The following CRACD variants were observed in gnomAD, a reference collection of about 807,000 sequenced individuals.
CRACD encodes capping protein inhibiting regulator of actin dynamics.
Under a neutral mutation model 106.8 loss-of-function variants are expected in CRACD, and 56 were observed. The ratio of observed to expected loss-of-function variants is 0.52; its 90% CI spans 0.42 to 0.66. The LOEUF (loss-of-function observed/expected upper bound fraction) is 0.66, where lower values mean the gene tolerates loss of function less well. CRACD is among the 30% of genes least tolerant of loss of function. The probability of loss-of-function intolerance (pLI) is 0.00; values close to 1 mark genes in which losing one functional copy is unlikely to be tolerated. For synonymous variants in CRACD, 754 were observed against 670.8 expected, an observed-to-expected ratio of 1.12 and a Z score of -1.92; for missense variants, 1,730 against 1,623.2, an observed-to-expected ratio of 1.07 and a Z score of -1.13.
At chr4:56,303,720 T>G (rs1268900321) in intron 4 of CRACD, among the ~76,000 whole-genome samples, 2 of 152,218 alleles carry the variant, frequency 1.3e-5, no homozygotes, top group African/African-American at 4.8e-5. Context: ...GGGCGAGGCC[T>G]TGGCCTTGGC....
At chr4:56,239,109 A>G (rs371721457) in intron 2 of CRACD, among the ~76,000 whole-genome samples, 1 of 152,114 alleles carries the variant, frequency 6.6e-6, no homozygotes, top group East Asian at 1.9e-4. Flanking sequence ...CCTGGACAAC[A>G]TGGTGAAACT....
chr4:56,315,455 G>A lies in CRACD; in HGVS notation c.1953G>A (p.Lys651=). The part of the protein sequence containing the change: ...GPGDARAGSG[K]AKPRQESPSS... ...GCGACGCGAGGGCGGGCAGCGGGAA[G>A]GCTAAGCCCCGCCAGGAGTCTCCCA... The change falls in exon 8 of 11, where the codon AAG becomes AAA. Residue 651 remains lysine (K), a synonymous_variant. Transcript: ENST00000682029. This position sits in a 1 kb window ranked among gnomAD's most constrained non-coding sequence, Gnocchi z 4.1. The A allele has an allele frequency of 1.2e-6, 2 of 1,613,068 alleles. No homozygotes were observed. The highest frequency in any genetic ancestry group is 1.7e-6 in the Non-Finnish European group (2 of 1,179,836).
chr4:56,222,309 T>G (rs536063131), intron 2 of CRACD, among the ~76,000 whole-genome samples: 1 of 152,304 alleles, frequency 6.6e-6, no homozygotes, highest in East Asian at 1.9e-4. Flanking sequence ...TCAAATAATG[T>G]ATGTTCTCAC....
At chr4:56,112,144 T>C (rs917414421) in intron 1 of CRACD, among the ~76,000 whole-genome samples, 2 of 152,160 alleles carry the variant, frequency 1.3e-5, no homozygotes, top group Non-Finnish European at 1.5e-5. Context: ...GTTGCTGGTA[T>C]TGGGTTATTA....
chr4:56,188,078 T>C (rs1365108642), intron 2 of CRACD, among the ~76,000 whole-genome samples: 1 of 152,194 alleles, frequency 6.6e-6, no homozygotes, highest in African/African-American at 2.4e-5. Context: ...ATCCTTAGTC[T>C]AAACTTCACT....
At chr4:56,323,604 CT>C (rs1231995356) in intron 9 of CRACD, 37 bp downstream of exon 9, 1 of 1,485,010 alleles carries the variant, frequency 6.7e-7, no homozygotes, top group African/African-American at 1.4e-5. Context: ...TTTTGCTTTC[CT>C]GAGCTTGGTT....
At chr4:56,099,404 A>G (rs1733710484) in intron 1 of CRACD, among the ~76,000 whole-genome samples, 1 of 152,154 alleles carries the variant, frequency 6.6e-6, no homozygotes, top group Admixed American at 6.5e-5. Context: ...CCTTTGTTGT[A>G]AGGTATGACT....
chr4:56,152,307 G>A (rs1259333151), intron 1 of CRACD, among the ~76,000 whole-genome samples: 1 of 150,730 alleles, frequency 6.6e-6, no homozygotes, highest in Non-Finnish European at 1.5e-5. Flanking sequence ...CTGAGCCACC[G>A]TGCCCAGCTG....
intron 2 of CRACD, among the ~76,000 whole-genome samples, chr4:56,263,584 C>A (rs1336294914): frequency 6.6e-6 from 1 of 152,110 alleles, no homozygotes; most frequent in South Asian, 2.1e-4. Context: ...TATGAGAGAA[C>A]CTGTTGTATT....
chr4:56,271,004 C>T (rs1252280639), intron 2 of CRACD, among the ~76,000 whole-genome samples: 2 of 150,512 alleles, frequency 1.3e-5, no homozygotes, highest in Non-Finnish European at 2.9e-5. Flanking sequence ...ACTCGGGAGG[C>T]TGAGACAGGA....
intron 1 of CRACD, among the ~76,000 whole-genome samples, chr4:56,072,478 T>G (rs1732693473): frequency 6.6e-6 from 1 of 152,220 alleles, no homozygotes; most frequent in Admixed American, 6.5e-5. Flanking sequence ...ACAGCCTTAT[T>G]GAGATATAAT....
chr4:56,137,745 C>T (rs1032615035), intron 1 of CRACD, among the ~76,000 whole-genome samples: 3 of 152,140 alleles, frequency 2.0e-5, no homozygotes, highest in African/African-American at 7.2e-5. Flanking sequence ...CCCAGCTACT[C>T]GGAAGGCTGA....
At chr4:56,269,307 C>T (rs374966470) in intron 2 of CRACD, among the ~76,000 whole-genome samples, 29 of 151,988 alleles carry the variant, frequency 1.9e-4, no homozygotes, top group East Asian at 9.7e-4. Flanking sequence ...TGCTTGAACC[C>T]GGGAGGTGGA....
chr4:56,214,109 T>C (rs1738538369), intron 2 of CRACD, among the ~76,000 whole-genome samples: 1 of 152,164 alleles, frequency 6.6e-6, no homozygotes, highest in Admixed American at 6.5e-5. Context: ...CAGAAATTGA[T>C]TTCTCACAGT....
intron 2 of CRACD, among the ~76,000 whole-genome samples, chr4:56,183,493 A>G (rs371740163): frequency 6.6e-6 from 1 of 152,218 alleles, no homozygotes; most frequent in East Asian, 1.9e-4. Flanking sequence ...AGAGCTGAGC[A>G]CTTTTCCATG....
In CRACD at chr4:56,314,047, AACAT is replaced by A; in HGVS notation, c.546_549del (p.His183SerfsTer65). Reference sequence around the variant, plus strand: ...TTTCCTTTCCAATGTTAGGATCCACAACATGAGCAAGGCGGCCTTGAGAGTCGGC... The same window carrying A: ...TTTCCTTTCCAATGTTAGGATCCACAGAGCAAGGCGGCCTTGAGAGTCGGC... On this transcript the variant is annotated frameshift_variant, in exon 8 of 11. Coordinates refer to ENST00000682029, the MANE Select transcript of CRACD (RefSeq NM_001393381.1). LOFTEE classifies it high-confidence loss of function. This position sits in a 1 kb window ranked among gnomAD's most constrained non-coding sequence, Gnocchi z 4.4. 6.2e-7 allele frequency: 1 copy of A among 1,613,050 alleles called. No individual in the cohort carries two copies. Among genetic ancestry groups the A allele is most frequent in the Non-Finnish European group, 8.5e-7 (1 of 1,179,476 alleles).
intron 2 of CRACD, among the ~76,000 whole-genome samples, chr4:56,244,318 C>G (rs1740552130): frequency 6.6e-6 from 1 of 152,024 alleles, no homozygotes. Context: ...ATGTTATGGG[C>G]CTGATAGTGA....
At chr4:56,144,341 T>A (rs1357212120) in intron 1 of CRACD, among the ~76,000 whole-genome samples, 2 of 152,108 alleles carry the variant, frequency 1.3e-5, no homozygotes, top group South Asian at 4.2e-4. Flanking sequence ...AGAAATGATA[T>A]GATCAGATTT....
At chr4:56,173,146 G>A (rs1171575346) in intron 1 of CRACD, among the ~76,000 whole-genome samples, 1 of 152,168 alleles carries the variant, frequency 6.6e-6, no homozygotes, top group Non-Finnish European at 1.5e-5. Flanking sequence ...CCCACAGATC[G>A]CAGGAGCTGT....
Sources: allele counts gnomAD v4.1 joint callset (sites outside exome capture counted in the v4.1 genomes callset), GRCh38; gene constraint gnomAD v4.1.1; non-coding constraint Gnocchi (gnomAD v3.1); transcripts MANE v1.5; gene names NCBI Gene and HGNC (gene_info 2026-07-23, HGNC 2026-07-21).